Variants in TTC39B observed in about 807,000 individuals in gnomAD.
TTC39B encodes tetratricopeptide repeat protein 39B.
TTC39B carries 92 observed loss-of-function variants against 96.6 expected under a neutral mutation model. The observed-to-expected ratio is 0.95, with a 90% CI of 0.80 to 1.13. The LOEUF is 1.13. Ranked by LOEUF, TTC39B falls within the 50% of genes most tolerant of loss-of-function variation. The pLI is 0.00. For synonymous variants in TTC39B, 367 were observed against 299.4 expected, an observed-to-expected ratio of 1.23 and a Z score of -2.33; for missense variants, 955 against 809.3, an observed-to-expected ratio of 1.18 and a Z score of -2.18.
intron 1 of TTC39B, among the ~76,000 whole-genome samples, chr9:15,277,466 C>T (rs1823588753): frequency 6.6e-6 from 1 of 152,136 alleles, no homozygotes; most frequent in African/African-American, 2.4e-5. Flanking sequence ...AGCCCAATGC[C>T]ACACTGCTCC....
intron 2 of TTC39B, among the ~76,000 whole-genome samples, chr9:15,245,976 G>A (rs1031487235): frequency 5.3e-5 from 8 of 152,124 alleles, no homozygotes; most frequent in Non-Finnish European, 1.2e-4. Context: ...TCACCAGGCC[G>A]GGCGTGGTGG....
intron 2 of TTC39B, among the ~76,000 whole-genome samples, chr9:15,238,275 G>A (rs112977611): frequency 0.11 from 17,463 of 152,064 alleles, 1,614 homozygotes; most frequent in African/African-American, 0.25. Context: ...AATCAGGCAA[G>A]AGAAAGATAT....
At chr9:15,183,222 C>A in intron 16 of TTC39B, 1 of 317,186 alleles carries the variant, frequency 3.2e-6, no homozygotes. Context: ...AGTAGAATGG[C>A]AGCAAAGGTA....
At position 15,214,219 on chromosome 9, in the gene TTC39B, A is replaced by C. The variant is rs1400153019; in HGVS notation, c.402T>G (p.Ser134Arg). Reference sequence around the variant, plus strand: ...ATGCCACAGCACATTCTTCGAGGCCACTCTTGAGATCCACCTTGGTTGATG... The same window carrying C: ...ATGCCACAGCACATTCTTCGAGGCCCCTCTTGAGATCCACCTTGGTTGATG... The change falls in exon 4 of 20, where the codon AGT becomes AGG. Residue 134 changes from serine (S) to arginine (R), a missense_variant. Transcript: ENST00000512701. The C allele has an allele frequency of 3.7e-6, 6 of 1,613,884 alleles. No homozygotes were observed. The African/African-American group carries it at 4.0e-5, about 11-fold the overall frequency.
chr9:15,286,590 C>T (rs7023864), intron 1 of TTC39B, among the ~76,000 whole-genome samples: 38,804 of 152,050 alleles, frequency 0.26, 5,738 homozygotes, highest in Non-Finnish European at 0.32. Context: ...AAGAAGTCTC[C>T]GGTGAGATAG....
chr9:15,173,000 A>G (rs35836049), intron 19 of TTC39B, among the ~76,000 whole-genome samples: 2 of 152,172 alleles, frequency 1.3e-5, no homozygotes, highest in African/African-American at 4.8e-5. Flanking sequence ...ATAAAGGGAA[A>G]GTGCAGATAA....
chr9:15,303,366 T>C (rs1654813716), intron 1 of TTC39B, among the ~76,000 whole-genome samples: 1 of 152,010 alleles, frequency 6.6e-6, no homozygotes, highest in South Asian at 2.1e-4. Flanking sequence ...AAAAATCATT[T>C]TCTGAAAAGT....
intron 1 of TTC39B, among the ~76,000 whole-genome samples, chr9:15,300,154 C>G (rs1348435932): frequency 6.6e-6 from 1 of 152,160 alleles, no homozygotes; most frequent in Non-Finnish European, 1.5e-5. Flanking sequence ...ACAAATGGCC[C>G]ATGCTCCGCA....
At chr9:15,307,192 C>A (rs747099836) in exon 1 of TTC39B, 2 of 1,576,528 alleles carry the variant, frequency 1.3e-6, no homozygotes, top group Non-Finnish European at 1.7e-6. Context: ...CTGCTCTCGG[C>A]TCTGGGCTCA....
intron 2 of TTC39B, among the ~76,000 whole-genome samples, chr9:15,227,562 A>G (rs1325841297): frequency 6.6e-6 from 1 of 152,192 alleles, no homozygotes; most frequent in Non-Finnish European, 1.5e-5. Context: ...TGTCATTAGA[A>G]GACAAGTTAT....
At position 15,202,762 on chromosome 9, in the gene TTC39B, G is replaced by A. The variant is rs7846769; in HGVS notation, c.759+1061C>T. ...AAAAAAAAAAAGATTGTGAGTGAGG[G>A]AAGATTTTCCATTTCACAGCTGAAT... On this transcript the variant is annotated intron_variant, in intron 7 of 19. Transcript: ENST00000512701. 4.5e-3 allele frequency among the ~76,000 whole-genome samples: 678 copies of A among 151,764 alleles called. 1 individual carries two copies. Among genetic ancestry groups the A allele is most frequent in the African/African-American group, 0.014 (589 of 41,372 alleles).
chr9:15,216,219 T>C (rs968632346), intron 3 of TTC39B, among the ~76,000 whole-genome samples: 1 of 152,194 alleles, frequency 6.6e-6, no homozygotes, highest in African/African-American at 2.4e-5. Flanking sequence ...CTTTCCTCTC[T>C]AGGACATAAA....
At chr9:15,206,910 G>A (rs1819892350) in intron 6 of TTC39B, among the ~76,000 whole-genome samples, 1 of 152,096 alleles carries the variant, frequency 6.6e-6, no homozygotes, top group African/African-American at 2.4e-5. Context: ...TGTATCAAGG[G>A]TGGGAACTGG....
chr9:15,242,480 G>A (rs962528687), intron 2 of TTC39B, among the ~76,000 whole-genome samples: 3 of 152,160 alleles, frequency 2.0e-5, no homozygotes, highest in South Asian at 2.1e-4. Flanking sequence ...CTACTCAGGC[G>A]GCTGAAGCGG....
chr9:15,166,568 T>C (rs559989678), exon 20 of TTC39B: 34 of 152,328 alleles, frequency 2.2e-4, no homozygotes, highest in African/African-American at 8.2e-4. Flanking sequence ...ACATAAAAGA[T>C]ATCTTCCCTG....
chr9:15,236,353 G>C (rs1318498476), intron 2 of TTC39B, among the ~76,000 whole-genome samples: 1 of 152,184 alleles, frequency 6.6e-6, no homozygotes, highest in Non-Finnish European at 1.5e-5. Flanking sequence ...AGAATAGACT[G>C]ATATCAATAC....
intron 13 of TTC39B, 54 bp downstream of exon 13, chr9:15,189,520 G>T (rs563797860): frequency 6.4e-7 from 1 of 1,560,014 alleles, no homozygotes; most frequent in Non-Finnish European, 8.8e-7. Flanking sequence ...AGCGACTCAT[G>T]TAGGAGTCGC....
At chr9:15,284,074 A>G (rs1823867290) in intron 1 of TTC39B, among the ~76,000 whole-genome samples, 1 of 152,244 alleles carries the variant, frequency 6.6e-6, no homozygotes, top group African/African-American at 2.4e-5. Context: ...TAGAATAAAC[A>G]AAGAACACTC....
chr9:15,222,702 T>C (rs1049309629), intron 3 of TTC39B, among the ~76,000 whole-genome samples: 2 of 152,200 alleles, frequency 1.3e-5, no homozygotes, highest in South Asian at 2.1e-4. Flanking sequence ...GGCTGACATA[T>C]CTAGGCTTGG....
Sources: gnomAD v4.1 joint callset for allele counts (sites outside exome capture counted in the v4.1 genomes callset) on GRCh38, gnomAD v4.1.1 for gene constraint, MANE v1.5 for transcripts, NCBI Gene and HGNC (gene_info 2026-07-23, HGNC 2026-07-21) for gene names.